CA13: variants seen among roughly 807,000 people sequenced by gnomAD.
CA13 encodes the protein CA-XIII.
A neutral mutation model predicts 31.5 loss-of-function variants in CA13; 21 were observed. The ratio of observed to expected loss-of-function variants is 0.67; its 90% confidence interval spans 0.47 to 0.96. The LOEUF (loss-of-function observed/expected upper bound fraction) is 0.96, where lower values mean the gene tolerates loss of function less well. Ranked by LOEUF, CA13 falls within the 40% of genes least tolerant of loss-of-function variation. The probability of loss-of-function intolerance (pLI) is 0.00; values close to 1 mark genes in which losing one functional copy is unlikely to be tolerated. For missense variants in CA13, 315 were observed against 318.9 expected (o/e 0.99, Z 0.09); for synonymous variants, 117 against 111.4 (o/e 1.05, Z -0.32).
At chr8:85,258,759 CAAAAAAAA>C (rs33933991) in intron 2 of CA13, among the ~76,000 whole-genome samples, 17 of 43,478 alleles carry the variant, frequency 3.9e-4, no homozygotes, top group African/African-American at 7.0e-4. Flanking sequence ...CCTGTCTCTA[CAAAAAAAA>C]AAAAAAAAAA....
At chr8:85,258,425 G>C (rs1486311074) in intron 2 of CA13, among the ~76,000 whole-genome samples, 4 of 151,950 alleles carry the variant, frequency 2.6e-5, no homozygotes, top group Non-Finnish European at 5.9e-5. Flanking sequence ...AATTATTTTT[G>C]TCCTATATTT....
intron 3 of CA13, among the ~76,000 whole-genome samples, chr8:85,265,646 CT>C (rs1482376684): frequency 4.0e-5 from 6 of 151,894 alleles, no homozygotes; most frequent in Non-Finnish European, 8.8e-5. Flanking sequence ...AGCAAAGTAT[CT>C]AAACATATTC....
chr8:85,260,876 T>C (rs1178777654), intron 3 of CA13, among the ~76,000 whole-genome samples: 2 of 152,252 alleles, frequency 1.3e-5, no homozygotes, highest in African/African-American at 4.8e-5. Flanking sequence ...CTCATTTTCC[T>C]TACCAACTCA....
Position 85,269,975 on chromosome 8 carries a change from G to A in CA13, c.669+1348G>A, listed in dbSNP as rs62527227. Among the ~76,000 whole-genome samples the A allele has an allele frequency of 3.3e-3, 498 of 151,936 alleles. 3 individuals are homozygous for A. Among genetic ancestry groups the A allele is most frequent in the Non-Finnish European group, 5.0e-3 (337 of 67,980 alleles). On this transcript the variant is annotated intron_variant, in intron 6 of 6. Transcript: ENST00000321764. The stretch of plus-strand genomic sequence containing the variant: ...TGGCCTTAAATGATCCTCCTGCTTC[G>A]GCCTCCCAAAGTGCTAGGATTACAG...
At chr8:85,246,523 A>G in intron 1 of CA13, 1 of 455,994 alleles carries the variant, frequency 2.2e-6, no homozygotes, top group South Asian at 1.5e-5. Context: ...CTTCTTCTCC[A>G]CGCTCATCCT....
At chr8:85,252,564 TTGAAG>T (rs1807209017) in intron 2 of CA13, among the ~76,000 whole-genome samples, 1 of 152,206 alleles carries the variant, frequency 6.6e-6, no homozygotes, top group South Asian at 2.1e-4. Context: ...AAACATTTTC[TTGAAG>T]TGAATGTTTA....
At chr8:85,248,004 G>C (rs1317769104) in intron 1 of CA13, among the ~76,000 whole-genome samples, 1 of 152,152 alleles carries the variant, frequency 6.6e-6, no homozygotes, top group African/African-American at 2.4e-5. Context: ...TTGAAGCCCT[G>C]AAAGGGTACT....
At chr8:85,272,089 G>A (rs911987868) in intron 6 of CA13, among the ~76,000 whole-genome samples, 2 of 152,020 alleles carry the variant, frequency 1.3e-5, no homozygotes, top group Admixed American at 1.3e-4. Flanking sequence ...ATAAAAGATA[G>A]AGATCTCAGC....
At chr8:85,260,694 T>C (rs2129971311) in intron 3 of CA13, among the ~76,000 whole-genome samples, 1 of 152,336 alleles carries the variant, frequency 6.6e-6, no homozygotes, top group African/African-American at 2.4e-5. Context: ...GGACAAACTT[T>C]GTCTAGAAGG....
chr8:85,269,461 A>T (rs1807498463), intron 6 of CA13, among the ~76,000 whole-genome samples: 1 of 152,024 alleles, frequency 6.6e-6, no homozygotes, highest in Admixed American at 6.5e-5. Context: ...TTTTGTTAAG[A>T]GGGTGGATCT....
At position 85,245,553 on chromosome 8, in the gene CA13, C is replaced by T; in HGVS notation, c.-276C>T. ...TCCCCCCCGGAAACCTTTCTCTCTC[C>T]GTCTCTCCCTCTAACTCAAATCTCT... On this transcript the variant is annotated 5_prime_UTR_variant, in exon 1 of 7. Transcript: ENST00000321764. 4.2e-6 allele frequency: 2 copies of T among 475,438 alleles called. No homozygotes were observed. The highest frequency in any genetic ancestry group is 4.0e-5 in the East Asian group (1 of 25,246). The allele number at this position is 475,438 out of a possible 1,614,324, so 29.5% of individuals were successfully genotyped here.
intron 3 of CA13, among the ~76,000 whole-genome samples, chr8:85,261,075 C>CT (rs1452224100): frequency 2.6e-5 from 4 of 151,852 alleles, no homozygotes; most frequent in Admixed American, 6.6e-5. Context: ...TAGACAAAGA[C>CT]TTTTTTGTTG....
At chr8:85,248,579 G>T (rs1440220748) in intron 1 of CA13, among the ~76,000 whole-genome samples, 2 of 152,124 alleles carry the variant, frequency 1.3e-5, no homozygotes, top group Admixed American at 1.3e-4. Flanking sequence ...GCAGGGTCAT[G>T]GGGGGGACAA....
At chr8:85,267,476 G>C (rs1195763551) in intron 4 of CA13, 3 of 202,392 alleles carry the variant, frequency 1.5e-5, no homozygotes, top group African/African-American at 7.1e-5. Flanking sequence ...ATTTTAGGCT[G>C]CAAGTGTGAG....
intron 2 of CA13, among the ~76,000 whole-genome samples, chr8:85,256,435 A>C (rs1299953976): frequency 6.6e-6 from 1 of 152,236 alleles, no homozygotes; most frequent in Non-Finnish European, 1.5e-5. Context: ...TGATGAATTC[A>C]GTGATCGTTC....
rs944327189 is a variant in CA13, at chr8:85,259,316, T to C, written c.236-105T>C. On this transcript the variant is annotated intron_variant, in intron 2 of 6. Coordinates refer to ENST00000321764, the MANE Select transcript of CA13 (RefSeq NM_198584.3). ...AAATGACACATTTGTAAAAAATTCC[T>C]TGGAGGACATGGATGTATGGAGTAA... 4.3e-5 allele frequency: 36 copies of C among 835,684 alleles called. No individual in the cohort carries two copies. The South Asian group carries it at 5.5e-4, about 13-fold the overall frequency. The allele number at this position is 835,684 out of a possible 1,614,324, so 51.8% of individuals were successfully genotyped here. A position where few individuals can be genotyped will look rare whatever the true frequency, so the allele number is the denominator to read the frequency against.
intron 6 of CA13, among the ~76,000 whole-genome samples, chr8:85,271,388 G>A (rs1270022861): frequency 6.6e-6 from 1 of 152,170 alleles, no homozygotes; most frequent in Non-Finnish European, 1.5e-5. Flanking sequence ...GACCTAAGGG[G>A]CAAATCAGAT....
In CA13 at chr8:85,258,758, A is replaced by C. The variant is rs13259470; in HGVS notation, c.236-663A>C. ...GATAACATAGTGAGGCCCTGTCTCT[A>C]CAAAAAAAAAAAAAAAAAAAAAAAA... On this transcript the variant is annotated intron_variant, in intron 2 of 6. Coordinates refer to ENST00000321764, the MANE Select transcript of CA13 (RefSeq NM_198584.3). Among the ~76,000 whole-genome samples the C allele has an allele frequency of 5.1e-3, 682 of 133,140 alleles. 1 individual carries two copies. The highest frequency in any genetic ancestry group is 8.5e-3 in the Non-Finnish European group (535 of 62,790). The allele number at this position is 133,140 out of a possible 152,430, so 87.3% of individuals were successfully genotyped here.
chr8:85,268,458 T>C lies in CA13; in HGVS notation c.514-14T>C, dbSNP rs773519261. On this transcript the variant is annotated splice_polypyrimidine_tract_variant and intron_variant, in intron 5 of 6. Coordinates refer to ENST00000321764, the MANE Select transcript of CA13 (RefSeq NM_198584.3). Reference sequence around the variant, plus strand: ...TCCCATTGTAATTTGTGGGAATTCTTTTTGATCCTCCAGGGTAAACAAACT... The same window carrying C: ...TCCCATTGTAATTTGTGGGAATTCTCTTTGATCCTCCAGGGTAAACAAACT... 6.2e-7 allele frequency: 1 copy of C among 1,613,858 alleles called. No individual in the cohort carries two copies. The highest frequency in any genetic ancestry group is 8.5e-7 in the Non-Finnish European group (1 of 1,179,818).
Sources: allele counts gnomAD v4.1 joint callset (sites outside exome capture counted in the v4.1 genomes callset), GRCh38; gene constraint gnomAD v4.1.1; transcripts MANE v1.5; gene names NCBI Gene and HGNC (gene_info 2026-07-23, HGNC 2026-07-21).